ITGBL1: variants seen among roughly 807,000 people sequenced by gnomAD.
ITGBL1 encodes integrin beta-like protein 1.
ITGBL1 carries 51 observed loss-of-function variants against 68.5 expected under a neutral mutation model. The observed-to-expected ratio is 0.74, with a 90% CI of 0.59 to 0.94. ITGBL1 has a LOEUF of 0.94. Ranked by LOEUF, ITGBL1 falls within the 40% of genes least tolerant of loss-of-function variation. The pLI, the probability that ITGBL1 is intolerant of heterozygous loss-of-function variation, is 0.00. For synonymous variants in ITGBL1, 209 were observed against 227.3 expected, an observed-to-expected ratio of 0.92 and a Z score of 0.72; for missense variants, 649 against 647.4, an observed-to-expected ratio of 1.00 and a Z score of -0.03.
At chr13:101,527,094 T>A (rs1025765868) in intron 2 of ITGBL1, among the ~76,000 whole-genome samples, 8 of 152,054 alleles carry the variant, frequency 5.3e-5, no homozygotes, top group Non-Finnish European at 1.2e-4. Context: ...AAAAATCACA[T>A]CTATTAAGAT....
At chr13:101,522,484 G>T (rs1373834969) in intron 2 of ITGBL1, among the ~76,000 whole-genome samples, 3 of 152,136 alleles carry the variant, frequency 2.0e-5, no homozygotes, top group Middle Eastern at 3.2e-3. Context: ...TAAGCCTTTT[G>T]AGAAGAAATA....
intron 7 of ITGBL1, among the ~76,000 whole-genome samples, chr13:101,690,557 G>A (rs528691422): frequency 6.6e-6 from 1 of 152,080 alleles, no homozygotes; most frequent in African/African-American, 2.4e-5. Context: ...ACTGCTGATG[G>A]TACTACAGTT....
chr13:101,519,878 C>T (rs918114236), intron 2 of ITGBL1, among the ~76,000 whole-genome samples: 1 of 152,084 alleles, frequency 6.6e-6, no homozygotes, highest in African/African-American at 2.4e-5. Flanking sequence ...AGGAGGTCCC[C>T]ATTTCTACAT....
At chr13:101,544,757 G>T (rs915528448) in intron 2 of ITGBL1, among the ~76,000 whole-genome samples, 4 of 152,140 alleles carry the variant, frequency 2.6e-5, no homozygotes, top group African/African-American at 9.7e-5. Flanking sequence ...GCAATGGCGG[G>T]CACCCCTCCC....
intron 2 of ITGBL1, among the ~76,000 whole-genome samples, chr13:101,472,122 G>A (rs1396055671): frequency 6.6e-6 from 1 of 152,076 alleles, no homozygotes; most frequent in African/African-American, 2.4e-5. Context: ...ACTTCTGGAT[G>A]TATTTTTACT....
At chr13:101,565,924 TC>T (rs1346826545) in intron 2 of ITGBL1, among the ~76,000 whole-genome samples, 1 of 152,036 alleles carries the variant, frequency 6.6e-6, no homozygotes, top group African/African-American at 2.4e-5. Flanking sequence ...TTGTTTATTT[TC>T]CCCCTTTCTT....
chr13:101,484,118 G>T (rs1215506529), intron 2 of ITGBL1, among the ~76,000 whole-genome samples: 1 of 149,202 alleles, frequency 6.7e-6, no homozygotes, highest in Non-Finnish European at 1.5e-5. Context: ...AGATACTTTT[G>T]CAAATACCAA....
At chr13:101,648,810 A>G (rs2032647793) in intron 7 of ITGBL1, among the ~76,000 whole-genome samples, 1 of 152,064 alleles carries the variant, frequency 6.6e-6, no homozygotes, top group Non-Finnish European at 1.5e-5. Context: ...AATAGAAGCT[A>G]GGTTAGTGGT....
intron 9 of ITGBL1, among the ~76,000 whole-genome samples, 186 bp downstream of exon 9, chr13:101,707,088 C>T (rs942649828): frequency 5.9e-5 from 9 of 152,100 alleles, no homozygotes; most frequent in South Asian, 2.1e-4. Context: ...AAATGAAATG[C>T]GTGTGAGAGG....
At chr13:101,656,108 A>T (rs1035245164) in intron 7 of ITGBL1, among the ~76,000 whole-genome samples, 1 of 152,164 alleles carries the variant, frequency 6.6e-6, no homozygotes, top group African/African-American at 2.4e-5. Flanking sequence ...CTGATTGACA[A>T]TTGGTTGAGT....
intron 2 of ITGBL1, among the ~76,000 whole-genome samples, chr13:101,522,549 G>C (rs1328339267): frequency 3.9e-5 from 6 of 152,158 alleles, no homozygotes; most frequent in Non-Finnish European, 7.4e-5. Flanking sequence ...TTTGTGGGAG[G>C]TAGGAAGATT....
At chr13:101,676,664 G>A (rs1046521528) in intron 7 of ITGBL1, among the ~76,000 whole-genome samples, 3 of 152,020 alleles carry the variant, frequency 2.0e-5, no homozygotes, top group Admixed American at 6.6e-5. Flanking sequence ...TTAAATCCTG[G>A]TTGCCTTTGG....
intron 2 of ITGBL1, among the ~76,000 whole-genome samples, chr13:101,516,385 A>T (rs1046835491): frequency 6.6e-6 from 1 of 152,166 alleles, no homozygotes; most frequent in Non-Finnish European, 1.5e-5. Flanking sequence ...TATTTTGGAA[A>T]TTTGAATAGT....
chr13:101,514,738 A>G (rs1270997813), intron 2 of ITGBL1, among the ~76,000 whole-genome samples: 3 of 152,056 alleles, frequency 2.0e-5, no homozygotes, highest in Non-Finnish European at 4.4e-5. Flanking sequence ...TGAACCTGAA[A>G]TGACCACTAA....
At chr13:101,651,254 A>T (rs2139453310) in intron 7 of ITGBL1, among the ~76,000 whole-genome samples, 1 of 152,040 alleles carries the variant, frequency 6.6e-6, no homozygotes, top group Admixed American at 6.5e-5. Context: ...ACTAATTTAC[A>T]CTCCCACCAA....
Position 101,525,761 on chromosome 13 carries a change from G to A in ITGBL1, c.317-41938G>A, listed in dbSNP as rs80067045. On this transcript the variant is annotated intron_variant, in intron 2 of 10. Coordinates refer to ENST00000376180, the MANE Select transcript of ITGBL1 (RefSeq NM_004791.3). ...GCACACTTGAAAACATTCTCGTTGT[G>A]TAACATTAGAGTATTACAGTTAAAA... 3.6e-3 allele frequency among the ~76,000 whole-genome samples: 543 copies of A among 152,096 alleles called. 24 individuals carry two copies. The East Asian group carries it at 0.086, about 24-fold the overall frequency.
At chr13:101,595,442 C>G (rs2029902097) in intron 6 of ITGBL1, among the ~76,000 whole-genome samples, 1 of 152,058 alleles carries the variant, frequency 6.6e-6, no homozygotes, top group Admixed American at 6.6e-5. Context: ...GATTGCATTT[C>G]CACGTGAGAT....
chr13:101,719,820 G>A (rs1486989277), downstream of ITGBL1: 1 of 152,044 alleles, frequency 6.6e-6, no homozygotes, highest in African/African-American at 2.4e-5. Flanking sequence ...AACATCAGTA[G>A]TGACAGATTG....
In ITGBL1 at chr13:101,695,132, C is replaced by T. The variant is rs576069059; in HGVS notation, c.1132+2431C>T. On this transcript the variant is annotated intron_variant, in intron 8 of 10. Transcript: ENST00000376180. ...ATACATAACGGGGATTTAACATAGGCTGAAGGCTAAGAAAGACTTCTCTAA... is the reference window on the plus strand; with the variant it reads ...ATACATAACGGGGATTTAACATAGGTTGAAGGCTAAGAAAGACTTCTCTAA... 1.1e-4 allele frequency among the ~76,000 whole-genome samples: 16 copies of T among 152,246 alleles called. No individual in the cohort carries two copies. The South Asian group carries it at 1.9e-3, about 18-fold the overall frequency.
Sources: gnomAD v4.1 joint callset for allele counts (sites outside exome capture counted in the v4.1 genomes callset) on GRCh38, gnomAD v4.1.1 for gene constraint, MANE v1.5 for transcripts, NCBI Gene and HGNC (gene_info 2026-07-23, HGNC 2026-07-21) for gene names.